TOPAZ1: variants seen among roughly 807,000 people sequenced by gnomAD.
TOPAZ1 encodes the protein protein TOPAZ1.
TOPAZ1 carries 66 observed loss-of-function variants against 172.2 expected under a neutral mutation model. The ratio of observed to expected loss-of-function variants is 0.38; its 90% CI spans 0.31 to 0.47. The LOEUF (loss-of-function observed/expected upper bound fraction) is 0.47. Ranked by LOEUF, TOPAZ1 falls within the 20% of genes least tolerant of loss-of-function variation. The probability of loss-of-function intolerance (pLI) is 0.99; values close to 1 mark genes in which losing one functional copy is unlikely to be tolerated. For missense variants in TOPAZ1, 1,822 were observed against 1,972.4 expected (o/e 0.92, Z 1.44); for synonymous variants, 681 against 683.9 (o/e 1.00, Z 0.07).
At position 44,298,358 on chromosome 3, in the gene TOPAZ1, A is replaced by G. The variant is rs376907458; in HGVS notation, c.3798-5657A>G. Among the ~76,000 whole-genome samples, 32 of 152,218 alleles carry G rather than the reference A, an allele frequency of 2.1e-4. No individual in the cohort carries two copies. In the South Asian group the frequency reaches 5.4e-3, roughly 26 times the overall value. On this transcript the variant is annotated intron_variant, in intron 12 of 19. Transcript: ENST00000309765. ...GTAGTCCCAGCTAACTGGGACTTGTAGCTGTGGGAGGATCACTTGAGCCCC... is the reference window on the plus strand; with the variant it reads ...GTAGTCCCAGCTAACTGGGACTTGTGGCTGTGGGAGGATCACTTGAGCCCC...
Position 44,323,255 on chromosome 3 carries a change from A to G in TOPAZ1, c.4635A>G (p.Gly1545=). Residue 1545 remains glycine, a synonymous_variant, in exon 18 of 20, where the codon GGA becomes GGG. Transcript: ENST00000309765. Reference sequence around the variant, plus strand: ...TCAGAAGATTAATTACTTCTTTAGGAAGGAGTCGTTTATGGCTCAAAGCCA... The same window carrying G: ...TCAGAAGATTAATTACTTCTTTAGGGAGGAGTCGTTTATGGCTCAAAGCCA... ...SFLRRLITSL[G]RSRLWLKARA... 15 of 1,550,068 alleles carry G rather than the reference A, an allele frequency of 9.7e-6. No individual in the cohort carries two copies. The highest frequency in any genetic ancestry group is 1.3e-5 in the Non-Finnish European group (15 of 1,146,080).
chr3:44,256,571 A>T (rs950267563), intron 4 of TOPAZ1, among the ~76,000 whole-genome samples: 4 of 152,156 alleles, frequency 2.6e-5, no homozygotes, highest in Admixed American at 1.3e-4. Flanking sequence ...AAAATATTAC[A>T]TATTTTTCTG....
chr3:44,322,983 T>A (rs1326638391), intron 17 of TOPAZ1, 109 bp from the exon 18 acceptor site: 1 of 662,084 alleles, frequency 1.5e-6, no homozygotes, highest in Non-Finnish European at 2.5e-6. Context: ...GTGAGTCCTA[T>A]AATGGGTAAG....
chr3:44,255,293 A>C (rs1053433659), intron 3 of TOPAZ1, among the ~76,000 whole-genome samples: 1 of 152,066 alleles, frequency 6.6e-6, no homozygotes, highest in African/African-American at 2.4e-5. Context: ...AGTTTTTGTC[A>C]TCTTATTTTG....
intron 18 of TOPAZ1, among the ~76,000 whole-genome samples, chr3:44,325,676 C>T (rs1196400494): frequency 6.6e-6 from 1 of 151,692 alleles, no homozygotes; most frequent in Non-Finnish European, 1.5e-5. Flanking sequence ...CGGAGTCTCC[C>T]TCTGTCACCT....
chr3:44,307,754 C>T (rs1224415309), intron 15 of TOPAZ1, among the ~76,000 whole-genome samples: 1 of 152,012 alleles, frequency 6.6e-6, no homozygotes, highest in Non-Finnish European at 1.5e-5. Context: ...ACAAAATTCA[C>T]GAAGTAAAAA....
chr3:44,257,455 TTA>T lies in TOPAZ1; in HGVS notation c.2955+1190_2955+1191del, dbSNP rs199550822. 6.3e-3 allele frequency among the ~76,000 whole-genome samples: 445 copies of T among 70,106 alleles called. 3 individuals are homozygous for T. The highest frequency in any genetic ancestry group is 0.019 in the African/African-American group (284 of 14,746). The allele number at this position is 70,106 out of a possible 152,430, so 46.0% of individuals were successfully genotyped here. A position where few individuals can be genotyped will look rare whatever the true frequency, so the allele number is the denominator to read the frequency against. On this transcript the variant is annotated intron_variant, in intron 4 of 19. Coordinates refer to ENST00000309765, the MANE Select transcript of TOPAZ1 (RefSeq NM_001145030.2). Reference sequence around the variant, plus strand: ...TATATAAAATGTGTGTGTATCTATTTTATATATATATATAGTGTGTGTGTGTG... The same window carrying T: ...TATATAAAATGTGTGTGTATCTATTTTATATATATATAGTGTGTGTGTGTG...
chr3:44,287,595 A>G (rs1700094278), intron 10 of TOPAZ1, 55 bp downstream of exon 10: 1 of 1,268,996 alleles, frequency 7.9e-7, no homozygotes, highest in Admixed American at 3.4e-5. Flanking sequence ...TTTCTCTGTC[A>G]TATTCATTGT....
chr3:44,296,595 AC>A (rs930421100), intron 12 of TOPAZ1, among the ~76,000 whole-genome samples: 1 of 151,964 alleles, frequency 6.6e-6, no homozygotes, highest in Non-Finnish European at 1.5e-5. Context: ...ACAAAAAAAA[AC>A]AAAGTTGATG....
At chr3:44,260,877 A>G (rs1045235141) in intron 4 of TOPAZ1, among the ~76,000 whole-genome samples, 6 of 152,158 alleles carry the variant, frequency 3.9e-5, no homozygotes, top group African/African-American at 9.6e-5. Context: ...TTTCCATCCA[A>G]TTAACTAGCC....
In TOPAZ1 at chr3:44,241,945, G is replaced by A; in HGVS notation, c.-109G>A. 6.9e-6 allele frequency: 7 copies of A among 1,014,428 alleles called. No individual in the cohort carries two copies. Among genetic ancestry groups the A allele is most frequent in the Non-Finnish European group, 9.9e-6 (7 of 707,658 alleles). The allele number at this position is 1,014,428 out of a possible 1,614,324, so 62.8% of individuals were successfully genotyped here. A position where few individuals can be genotyped will look rare whatever the true frequency, so the allele number is the denominator to read the frequency against. ...CCCGGGCTGTGGTGACTGGCGGTGT[G>A]GGGTGGGTCAGAGGGCAGTAGGTAC... On this transcript the variant is annotated 5_prime_UTR_variant, in exon 1 of 20. Coordinates refer to ENST00000309765, the MANE Select transcript of TOPAZ1 (RefSeq NM_001145030.2).
chr3:44,246,089 G>A (rs1412183874), intron 2 of TOPAZ1, among the ~76,000 whole-genome samples: 1 of 152,140 alleles, frequency 6.6e-6, no homozygotes, highest in African/African-American at 2.4e-5. Flanking sequence ...AGAGTCAAAA[G>A]TTAAACTAAT....
intron 15 of TOPAZ1, among the ~76,000 whole-genome samples, chr3:44,307,856 G>C (rs910872821): frequency 6.6e-6 from 1 of 152,178 alleles, no homozygotes. Flanking sequence ...GGTAGGCCTG[G>C]AGTAGGCAAG....
chr3:44,301,417 G>A (rs1700271259), intron 12 of TOPAZ1, among the ~76,000 whole-genome samples: 1 of 152,134 alleles, frequency 6.6e-6, no homozygotes, highest in African/African-American at 2.4e-5. Flanking sequence ...AACTTTTAAA[G>A]ATAAGTATAT....
At chr3:44,295,255 A>C (rs1187556731) in intron 12 of TOPAZ1, among the ~76,000 whole-genome samples, 3 of 152,282 alleles carry the variant, frequency 2.0e-5, no homozygotes, top group African/African-American at 7.2e-5. Context: ...TGCACACCCA[A>C]GGTTATTCAT....
At chr3:44,307,163 C>T (rs549328108) in intron 15 of TOPAZ1, among the ~76,000 whole-genome samples, 1 of 152,216 alleles carries the variant, frequency 6.6e-6, no homozygotes, top group East Asian at 1.9e-4. Context: ...GCTGGGATTA[C>T]AGGCATGTAT....
intron 9 of TOPAZ1, among the ~76,000 whole-genome samples, chr3:44,287,044 C>T (rs969785466): frequency 1.3e-5 from 2 of 152,152 alleles, no homozygotes; most frequent in African/African-American, 2.4e-5. Context: ...ACTATATAAC[C>T]TTGCATATGT....
chr3:44,287,798 T>G lies in TOPAZ1; in HGVS notation c.3640T>G (p.Leu1214Val). The G allele has an allele frequency of 6.6e-7, 1 of 1,515,974 alleles. No homozygotes were observed. Among genetic ancestry groups the G allele is most frequent in the Non-Finnish European group, 8.9e-7 (1 of 1,125,360 alleles). The allele number at this position is 1,515,974 out of a possible 1,614,324, so 93.9% of individuals were successfully genotyped here. A position where few individuals can be genotyped will look rare whatever the true frequency, so the allele number is the denominator to read the frequency against. ...ATTTGAGTATGTGGCAACTATGAAA[T>G]TAAGGAATGCTGTACCTGCTTTAAT... ...NIFEYVATMK[L>V]RNAVPALIDI... The change falls in exon 11 of 20, where the codon TTA (leucine) becomes GTA (valine). Residue 1214 changes from leucine to valine, a missense_variant. Physicochemically the swap from Leu to Val is conservative, Grantham distance 32. Around this residue, in one of 2 missense-constraint regions of TOPAZ1, gnomAD observed 1,489 missense variants for 1,490.8 expected, o/e 1.00. Transcript: ENST00000309765.
chr3:44,298,670 G>A (rs1393148611), intron 12 of TOPAZ1, among the ~76,000 whole-genome samples: 1 of 150,862 alleles, frequency 6.6e-6, no homozygotes, highest in African/African-American at 2.4e-5. Context: ...AAGAAAGCTA[G>A]TTTTTAAACA....
Sources: allele counts gnomAD v4.1 joint callset (sites outside exome capture counted in the v4.1 genomes callset), GRCh38; gene constraint gnomAD v4.1.1; regional missense constraint gnomAD v4.1.1; transcripts MANE v1.5; gene names NCBI Gene and HGNC (gene_info 2026-07-23, HGNC 2026-07-21).